Variants in IGFN1 observed in about 807,000 individuals in gnomAD.
The protein encoded by IGFN1 is immunoglobulin like and fibronectin type III domain containing 1.
A neutral mutation model predicts 289.5 loss-of-function variants in IGFN1; 253 were observed. That is an observed-to-expected ratio of 0.87 (90% CI 0.79 to 0.97). The LOEUF (loss-of-function observed/expected upper bound fraction) is 0.97. Among genes scored for constraint, IGFN1 ranks in the 50% least tolerant of loss-of-function variants. The pLI, the probability that IGFN1 is intolerant of heterozygous loss-of-function variation, is 0.00. For synonymous variants in IGFN1, 1,706 were observed against 1,788.5 expected (o/e 0.95, Z 1.16); for missense variants, 4,470 against 4,686.1 (o/e 0.95, Z 1.35).
At position 201,200,238 on chromosome 1, in the gene IGFN1, G is replaced by T. The variant is rs1329968975; in HGVS notation, c.460G>T (p.Ala154Ser). ...MDFRKLLKKRAPPAPKKKMDL... is the reference protein window; with the variant it reads ...MDFRKLLKKRSPPAPKKKMDL... ...TGACCTGCTAGCCTTGCTCCCCAGG[G>T]CCCCACCAGCCCCCAAGAAAAAGAT... is the stretch of plus-strand genomic sequence containing the variant. Residue 154 changes from alanine (A) to serine (S), a missense_variant and splice_region_variant, in exon 8 of 24, where the codon GCC (alanine) becomes TCC (serine). This residue lies in a region of IGFN1 where 2,011 missense variants were observed against 1,953.4 expected (regional missense o/e 1.03). Coordinates refer to ENST00000335211, the MANE Select transcript of IGFN1 (RefSeq NM_001164586.2). 9 of 1,551,218 alleles carry T rather than the reference G, an allele frequency of 5.8e-6. No homozygotes were observed. Among genetic ancestry groups the T allele is most frequent in the Non-Finnish European group, 7.8e-6 (9 of 1,146,730 alleles).
intron 15 of IGFN1, 76 bp downstream of exon 15, chr1:201,215,914 GCCT>G: frequency 7.1e-7 from 1 of 1,414,600 alleles, no homozygotes; most frequent in Non-Finnish European, 9.8e-7. Context: ...TCAAGGGCAG[GCCT>G]GGGATATGAT....
Position 201,206,192 on chromosome 1 carries a change from G to A in IGFN1, c.1299G>A (p.Glu433=). Reference sequence around the variant, plus strand: ...CTGGGAGCATCGAGAGCCAGGGAGAGAAATCCAGAGAGCAGGGCCCCAGGG... The same window carrying A: ...CTGGGAGCATCGAGAGCCAGGGAGAAAAATCCAGAGAGCAGGGCCCCAGGG... ...EESGSIESQG[E]KSREQGPRGG... Residue 433 remains glutamate, a synonymous_variant, in exon 12 of 24, where the codon GAG becomes GAA. Transcript: ENST00000335211. The A allele has an allele frequency of 2.6e-6, 4 of 1,550,096 alleles. No individual in the cohort carries two copies. The highest frequency in any genetic ancestry group is 3.5e-6 in the Non-Finnish European group (4 of 1,146,752).
chr1:201,226,085 C>A lies in IGFN1; in HGVS notation c.10748C>A (p.Ser3583Ter). The change falls in exon 22 of 24, where the codon TCG (serine) becomes TAG (stop). Residue 3583 changes from serine to a stop codon, truncating the protein, a stop_gained. Coordinates refer to ENST00000335211, the MANE Select transcript of IGFN1 (RefSeq NM_001164586.2). LOFTEE classifies it high-confidence loss of function. ...AKNELGASKP[S>*]DTSQPWCIPR... ...AATGAGCTGGGGGCCAGCAAACCCT[C>A]GGACACCAGCCAGCCCTGGTGCATC... 6.2e-7 allele frequency: 1 copy of A among 1,603,872 alleles called. No homozygotes were observed. The highest frequency in any genetic ancestry group is 8.5e-7 in the Non-Finnish European group (1 of 1,173,940).
In IGFN1 at chr1:201,207,889, C is replaced by T. The variant is rs536659523; in HGVS notation, c.2996C>T (p.Ala999Val). 73 of 1,535,882 alleles carry T rather than the reference C, an allele frequency of 4.8e-5. No homozygotes were observed. The highest frequency in any genetic ancestry group is 1.1e-4 in the African/African-American group (8 of 72,984). The change falls in exon 12 of 24, where the codon GCG (alanine) becomes GTG (valine). Residue 999 changes from alanine (A) to valine (V), a missense_variant. This residue lies in a region of IGFN1 where 2,011 missense variants were observed against 1,953.4 expected (regional missense o/e 1.03). Transcript: ENST00000335211. ...TGTAGAGTTTCCCCTAGGGCACCTG[C>T]GGGAGTGGAGTCTGAGGAAGGGGGT... ...AGCRVSPRAP[A>V]GVESEEGGGY...
chr1:201,202,131 C>T (rs968540940), intron 9 of IGFN1, among the ~76,000 whole-genome samples: 11 of 152,144 alleles, frequency 7.2e-5, no homozygotes, highest in Admixed American at 4.6e-4. Flanking sequence ...TGAGAAAGTG[C>T]ACCCCTTTCC....
Position 201,209,273 on chromosome 1 carries a change from T to A in IGFN1, c.4380T>A (p.Tyr1460Ter), listed in dbSNP as rs1404188240. Residue 1460 changes from tyrosine to a stop codon, truncating the protein, a stop_gained, in exon 12 of 24, where the codon TAT becomes TAA. Transcript: ENST00000335211. LOFTEE classifies it high-confidence loss of function. ...TGAGGTCAATGGATGAGGCAGGTTA[T>A]AGGAAAAATTTGGGAGCTCCTGAGA... ...GEMRSMDEAG[Y>*]RKNLGAPERM... is the part of the protein sequence containing the mutation. The A allele has an allele frequency of 6.7e-7, 1 of 1,485,414 alleles. No homozygotes were observed. The highest frequency in any genetic ancestry group is 2.5e-5 in the East Asian group (1 of 40,582). The allele number at this position is 1,485,414 out of a possible 1,614,324, so 92.0% of individuals were successfully genotyped here.
At chr1:201,196,048 G>A in intron 4 of IGFN1, 70 bp downstream of exon 4, 1 of 1,468,268 alleles carries the variant, frequency 6.8e-7, no homozygotes, top group Non-Finnish European at 9.2e-7. Flanking sequence ...GGTCTCTTTG[G>A]CAGCCTCCAA....
intron 21 of IGFN1, among the ~76,000 whole-genome samples, chr1:201,225,450 G>T (rs750418084): frequency 6.6e-6 from 1 of 152,092 alleles, no homozygotes; most frequent in Non-Finnish European, 1.5e-5. Flanking sequence ...AAAATTAGCC[G>T]AGCGTGGTGG....
chr1:201,200,688 G>A (rs1033486246), intron 8 of IGFN1, among the ~76,000 whole-genome samples: 1 of 152,144 alleles, frequency 6.6e-6, no homozygotes, highest in African/African-American at 2.4e-5. Context: ...TGTAAAATGG[G>A]AATTATAGTC....
Position 201,201,747 on chromosome 1 carries a change from A to G in IGFN1, c.662A>G (p.His221Arg), listed in dbSNP as rs1667170970. ...ATCAACACCATCTCCAGCTTAAGAC[A>G]CATCAGGGTCACCAAGGATGGGAAT... is the stretch of plus-strand genomic sequence containing the variant. Reference protein sequence around the residue: ...QYINTISSLRHIRVTKDGNAK... With the variant: ...QYINTISSLRRIRVTKDGNAK... Residue 221 changes from histidine (H) to arginine (R), a missense_variant, in exon 9 of 24, where the codon CAC becomes CGC. Physicochemically the swap from His to Arg is conservative, Grantham distance 29. Coordinates refer to ENST00000335211, the MANE Select transcript of IGFN1 (RefSeq NM_001164586.2). 1 of 1,548,096 alleles carries G rather than the reference A, an allele frequency of 6.5e-7. No homozygotes were observed.
chr1:201,223,434 G>A (rs932161966), intron 20 of IGFN1, among the ~76,000 whole-genome samples: 6 of 152,026 alleles, frequency 3.9e-5, no homozygotes, highest in East Asian at 1.9e-4. Flanking sequence ...GCAGTGGCAC[G>A]ATCTCGGCTT....
At chr1:201,194,071 T>TGG in intron 2 of IGFN1, 83 bp from the exon 3 acceptor site, 1 of 1,486,226 alleles carries the variant, frequency 6.7e-7, no homozygotes, top group South Asian at 1.3e-5. Context: ...CTGGGGTGAG[T>TGG]GGGTGGATGC....
rs1667585552 is a variant in IGFN1 at position 201,209,202 on chromosome 1, G to A, written c.4309G>A (p.Gly1437Arg). The change falls in exon 12 of 24, where the codon GGG (glycine) becomes AGG (arginine). Residue 1437 changes from glycine (G) to arginine (R), a missense_variant. Gly to Arg is a moderately radical substitution (Grantham distance 125, BLOSUM62 -2). Transcript: ENST00000335211. Reference protein sequence around the residue: ...DLGAPEGMGTGSKAGYRDGLR... With the variant: ...DLGAPEGMGTRSKAGYRDGLR... ...GGGGGCTCCTGAGGGAATGGGCACAGGGAGCAAGGCAGGTTATAGGGATGG... is the reference window on the plus strand; with the variant it reads ...GGGGGCTCCTGAGGGAATGGGCACAAGGAGCAAGGCAGGTTATAGGGATGG... The A allele has an allele frequency of 6.7e-7, 1 of 1,499,330 alleles. No homozygotes were observed. Among genetic ancestry groups the A allele is most frequent in the Non-Finnish European group, 8.8e-7 (1 of 1,131,372 alleles). The allele number at this position is 1,499,330 out of a possible 1,614,324, so 92.9% of individuals were successfully genotyped here.
chr1:201,219,042 A>G (rs1301819586), intron 18 of IGFN1, among the ~76,000 whole-genome samples: 1 of 129,146 alleles, frequency 7.7e-6, no homozygotes, highest in East Asian at 2.3e-4. Flanking sequence ...TGTTACAAAA[A>G]AAAAGAAAAG....
At chr1:201,214,832 C>A (rs1331871658) in intron 13 of IGFN1, among the ~76,000 whole-genome samples, 181 bp from the exon 14 acceptor site, 1 of 152,236 alleles carries the variant, frequency 6.6e-6, no homozygotes, top group African/African-American at 2.4e-5. Flanking sequence ...GTACTTACTT[C>A]ATAAGGCTGT....
At position 201,216,387 on chromosome 1, in the gene IGFN1, G is replaced by C. The variant is rs536457217; in HGVS notation, c.9296-67G>C. ...AGTCGGGGTGGCGGGGAGTTGGGGG[G>C]GTTGGCGCTGCTCCCCTCCAGCTCC... On this transcript the variant is annotated intron_variant, in intron 15 of 23. Transcript: ENST00000335211. 3 of 1,330,820 alleles carry C rather than the reference G, an allele frequency of 2.3e-6. No homozygotes were observed. The African/African-American group carries it at 4.4e-5, about 20-fold the overall frequency. 82.4% of individuals were successfully genotyped at this position (1,330,820 alleles called of 1,614,324 possible). A position where few individuals can be genotyped will look rare whatever the true frequency, so the allele number is the denominator to read the frequency against.
In IGFN1 at chr1:201,210,796, C is replaced by A; in HGVS notation, c.5903C>A (p.Ala1968Asp). ...GCAGGTTATAGGAAGGATTTGGGGG[C>A]TCCTAAGGGAATGGGTTCAGGGAGT... ...NKAGYRKDLG[A>D]PKGMGSGSKE... The change falls in exon 12 of 24, where the codon GCT becomes GAT. Residue 1968 changes from alanine to aspartate, a missense_variant. Ala to Asp is a moderately radical substitution (Grantham distance 126). Around this residue, in one of 8 missense-constraint regions of IGFN1, gnomAD observed 108 missense variants for 128.7 expected, o/e 0.84. Coordinates refer to ENST00000335211, the MANE Select transcript of IGFN1 (RefSeq NM_001164586.2). 1 of 1,525,304 alleles carries A rather than the reference C, an allele frequency of 6.6e-7. No individual in the cohort carries two copies. Among genetic ancestry groups the A allele is most frequent in the Non-Finnish European group, 8.7e-7 (1 of 1,143,028 alleles). 94.5% of individuals were successfully genotyped at this position (1,525,304 alleles called of 1,614,324 possible).
chr1:201,216,479 C>A lies in IGFN1; in HGVS notation c.9321C>A (p.Pro3107=). 2 of 1,591,616 alleles carry A rather than the reference C, an allele frequency of 1.3e-6. No homozygotes were observed. Among genetic ancestry groups the A allele is most frequent in the Non-Finnish European group, 1.7e-6 (2 of 1,169,172 alleles). ...ACAAGCCTGATCCCCCACAAGGCCC[C>A]ATGGAGGTTCAGGATTGCCATAGGG... The part of the protein sequence containing the change: ...VIDKPDPPQG[P]MEVQDCHRAG... The change falls in exon 16 of 24, where the codon CCC becomes CCA. Residue 3107 remains proline (P), a synonymous_variant. Transcript: ENST00000335211.
chr1:201,216,541 A>G lies in IGFN1; in HGVS notation c.9383A>G (p.Asn3128Ser), dbSNP rs779983643. The change falls in exon 16 of 24, where the codon AAT (asparagine) becomes AGT (serine). Residue 3128 changes from asparagine to serine, a missense_variant. Physicochemically the swap from Asn to Ser is conservative, Grantham distance 46 (BLOSUM62 1). Coordinates refer to ENST00000335211, the MANE Select transcript of IGFN1 (RefSeq NM_001164586.2). ...VCLRWRPPRD[N>S]GGRTVECYVV... ...CTCCGCTGGCGGCCCCCAAGGGACAATGGGGGCCGGACTGTAGAGTGCTAC... is the reference window on the plus strand; with the variant it reads ...CTCCGCTGGCGGCCCCCAAGGGACAGTGGGGGCCGGACTGTAGAGTGCTAC... 7.4e-6 allele frequency: 12 copies of G among 1,612,962 alleles called. No individual in the cohort carries two copies. Among genetic ancestry groups the G allele is most frequent in the Middle Eastern group, 1.7e-4 (1 of 6,056 alleles).
Sources: allele counts gnomAD v4.1 joint callset (sites outside exome capture counted in the v4.1 genomes callset), GRCh38; gene constraint gnomAD v4.1.1; regional missense constraint gnomAD v4.1.1; transcripts MANE v1.5; gene names NCBI Gene and HGNC (gene_info 2026-07-23, HGNC 2026-07-21).